TAFA2: variants seen among roughly 807,000 people sequenced by gnomAD.
The protein encoded by TAFA2 is TAFA chemokine like family member 2.
Under a neutral mutation model 18.8 loss-of-function variants are expected in TAFA2, and 7 were observed. The observed-to-expected ratio is 0.37, with a 90% CI of 0.21 to 0.70. The LOEUF (loss-of-function observed/expected upper bound fraction) is 0.70, where lower values mean the gene tolerates loss of function less well. Ranked by LOEUF, TAFA2 falls within the 30% of genes least tolerant of loss-of-function variation. The pLI is 0.53. For synonymous variants in TAFA2, 60 were observed against 54.2 expected, an observed-to-expected ratio of 1.11 and a Z score of -0.47; for missense variants, 122 against 158.1, an observed-to-expected ratio of 0.77 and a Z score of 1.23.
chr12:61,799,771 G>A (rs553078517), intron 2 of TAFA2, among the ~76,000 whole-genome samples: 3 of 152,194 alleles, frequency 2.0e-5, no homozygotes, highest in East Asian at 3.9e-4. Context: ...GCAGTGAGCC[G>A]AGATTGCGCC....
chr12:62,024,610 G>T (rs972609151), intron 1 of TAFA2, among the ~76,000 whole-genome samples: 4 of 152,028 alleles, frequency 2.6e-5, no homozygotes, highest in Non-Finnish European at 4.4e-5. Flanking sequence ...AAATTGACAA[G>T]TCAATGCTAA....
chr12:61,964,121 C>T (rs1037159169), intron 1 of TAFA2, among the ~76,000 whole-genome samples: 1 of 151,888 alleles, frequency 6.6e-6, no homozygotes, highest in African/African-American at 2.4e-5. Context: ...CCATAAAACC[C>T]CTAGAAGAAA....
chr12:62,151,964 A>G (rs960383281), intron 1 of TAFA2, among the ~76,000 whole-genome samples: 7 of 152,236 alleles, frequency 4.6e-5, no homozygotes, highest in African/African-American at 1.7e-4. Context: ...AGGGAGGAAT[A>G]GGGAAAACCA....
chr12:61,860,556 C>T (rs1874084052), intron 2 of TAFA2, among the ~76,000 whole-genome samples: 1 of 152,164 alleles, frequency 6.6e-6, no homozygotes, highest in Non-Finnish European at 1.5e-5. Context: ...AAAGATCTGT[C>T]CCAGCCACCT....
At chr12:62,058,033 TA>T (rs1038212009) in intron 1 of TAFA2, among the ~76,000 whole-genome samples, 3 of 152,180 alleles carry the variant, frequency 2.0e-5, no homozygotes, top group Non-Finnish European at 4.4e-5. Context: ...TAAAAATAAA[TA>T]AAAACAAATA....
At chr12:62,182,856 A>ACTT (rs2062560871) in intron 1 of TAFA2, among the ~76,000 whole-genome samples, 1 of 152,214 alleles carries the variant, frequency 6.6e-6, no homozygotes, top group African/African-American at 2.4e-5. Context: ...TCAGACCTAT[A>ACTT]CTTCACAGCT....
At chr12:61,809,612 A>G (rs1040523092) in intron 2 of TAFA2, among the ~76,000 whole-genome samples, 20 of 151,246 alleles carry the variant, frequency 1.3e-4, no homozygotes, top group Admixed American at 7.9e-4. Context: ...CATGATTTAG[A>G]GCATTTTTAA....
chr12:61,770,505 T>C (rs1869980365), intron 2 of TAFA2, among the ~76,000 whole-genome samples: 1 of 151,922 alleles, frequency 6.6e-6, no homozygotes. Context: ...AGGTAACCTG[T>C]AAAGCAAAAC....
At chr12:61,917,506 G>C (rs138749304) in intron 1 of TAFA2, among the ~76,000 whole-genome samples, 31 of 151,958 alleles carry the variant, frequency 2.0e-4, no homozygotes, top group Non-Finnish European at 8.8e-5. Flanking sequence ...CATTTCTTTC[G>C]TTTATTTGAT....
At chr12:61,764,484 C>G (rs973069414) in intron 2 of TAFA2, among the ~76,000 whole-genome samples, 3 of 151,838 alleles carry the variant, frequency 2.0e-5, no homozygotes, top group African/African-American at 7.3e-5. Context: ...AAGACAGATT[C>G]AGGATTGGGG....
chr12:62,106,218 C>T (rs1294170820), intron 1 of TAFA2, among the ~76,000 whole-genome samples: 1 of 151,740 alleles, frequency 6.6e-6, no homozygotes, highest in Non-Finnish European at 1.5e-5. Flanking sequence ...CCTGTAATCC[C>T]AGCTACTCAA....
At chr12:61,996,035 A>C (rs188851658) in intron 1 of TAFA2, among the ~76,000 whole-genome samples, 6 of 151,862 alleles carry the variant, frequency 4.0e-5, no homozygotes, top group Admixed American at 3.3e-4. Flanking sequence ...TTTTCTTTTG[A>C]CATTGTATTG....
At chr12:62,022,848 G>A (rs1881190802) in intron 1 of TAFA2, among the ~76,000 whole-genome samples, 1 of 152,210 alleles carries the variant, frequency 6.6e-6, no homozygotes, top group Admixed American at 6.5e-5. Flanking sequence ...AGATATGAGT[G>A]TATACCAGCA....
chr12:61,758,612 G>GA (rs879672044), intron 2 of TAFA2, among the ~76,000 whole-genome samples: 34 of 151,612 alleles, frequency 2.2e-4, no homozygotes, highest in Non-Finnish European at 4.6e-4. Flanking sequence ...CCTTGGAGAA[G>GA]AAAAAAAGAG....
intron 1 of TAFA2, among the ~76,000 whole-genome samples, chr12:61,905,471 C>A (rs1320371212): frequency 2.6e-5 from 4 of 152,088 alleles, no homozygotes; most frequent in African/African-American, 9.7e-5. Context: ...TAGCTTACCC[C>A]CTCAGAAGTT....
intron 2 of TAFA2, among the ~76,000 whole-genome samples, chr12:61,858,529 T>A (rs1592439520): frequency 6.6e-6 from 1 of 152,134 alleles, no homozygotes; most frequent in East Asian, 1.9e-4. Context: ...CACAAAGCTT[T>A]TTATATTAGT....
At chr12:61,736,920 GT>G (rs1461611937) in intron 4 of TAFA2, among the ~76,000 whole-genome samples, 1 of 151,960 alleles carries the variant, frequency 6.6e-6, no homozygotes, top group Non-Finnish European at 1.5e-5. Flanking sequence ...AAATGTTAAA[GT>G]TTGGCATTGA....
chr12:61,751,069 TG>T (rs1868990547), intron 4 of TAFA2, among the ~76,000 whole-genome samples: 1 of 152,092 alleles, frequency 6.6e-6, no homozygotes, highest in African/African-American at 2.4e-5. Context: ...TATTTATGCA[TG>T]ATGGAAACAC....
rs1464861884 is a variant in TAFA2, at chr12:61,833,889, G to A, written c.106+33431C>T. Among the ~76,000 whole-genome samples, 3 of 151,976 alleles carry A rather than the reference G, an allele frequency of 2.0e-5. No individual in the cohort carries two copies. The East Asian group carries it at 5.8e-4, about 30-fold the overall frequency. On this transcript the variant is annotated intron_variant, in intron 2 of 4. Transcript: ENST00000416284. ...TGACTGTGCATCAGAATAATTTAGG[G>A]AGTTTTAAAACACACATAATCAAGC... is the stretch of plus-strand genomic sequence containing the variant.
Sources: allele counts gnomAD v4.1 joint callset (sites outside exome capture counted in the v4.1 genomes callset), GRCh38; gene constraint gnomAD v4.1.1; transcripts MANE v1.5; gene names NCBI Gene and HGNC (gene_info 2026-07-23, HGNC 2026-07-21).